ERH: variants seen among roughly 807,000 people sequenced by gnomAD.
ERH encodes ERH mRNA splicing and mitosis factor.
ERH carries 1 observed loss-of-function variant against 16.8 expected under a neutral mutation model. The observed-to-expected ratio is 0.06, with a 90% CI of 0.02 to 0.28. The LOEUF (loss-of-function observed/expected upper bound fraction) is 0.28, where lower values mean the gene tolerates loss of function less well. ERH is among the 10% of genes least tolerant of loss of function. The probability of loss-of-function intolerance (pLI) is 1.00; values close to 1 mark genes in which losing one functional copy is unlikely to be tolerated. For missense variants in ERH, 42 were observed against 127.5 expected (o/e 0.33, Z 3.23); for synonymous variants, 43 against 43.6 (o/e 0.99, Z 0.05).
chr14:69,393,493 G>C (rs1057189989), intron 2 of ERH, among the ~76,000 whole-genome samples: 4 of 152,180 alleles, frequency 2.6e-5, no homozygotes, highest in Non-Finnish European at 5.9e-5. Flanking sequence ...ATTAAAAAAA[G>C]AATAAAACCA....
rs999076344 is a variant in ERH, at chr14:69,387,149, T to G, written c.92-66A>C. ...ATACACTTCTAGATATGAGCAGTGC[T>G]TATGAGCTGTGCTATATGTTGATAT... is the stretch of plus-strand genomic sequence containing the variant. On this transcript the variant is annotated intron_variant, in intron 2 of 3. Transcript: ENST00000557016. The G allele has an allele frequency of 1.8e-5, 25 of 1,362,646 alleles. No homozygotes were observed. The Admixed American group carries it at 3.7e-4, about 20-fold the overall frequency. The allele number at this position is 1,362,646 out of a possible 1,614,324, so 84.4% of individuals were successfully genotyped here.
intron 2 of ERH, among the ~76,000 whole-genome samples, chr14:69,393,844 A>G (rs187151638): frequency 4.3e-4 from 66 of 152,194 alleles, no homozygotes; most frequent in African/African-American, 1.6e-3. Flanking sequence ...CAACACAGTG[A>G]CCCCATCTCT....
At chr14:69,394,584 G>A (rs139771543) in intron 2 of ERH, among the ~76,000 whole-genome samples, 13 of 151,520 alleles carry the variant, frequency 8.6e-5, no homozygotes, top group African/African-American at 2.2e-4. Context: ...GTGATAGAGC[G>A]AGACTCTGTC....
Position 69,383,053 on chromosome 14 carries a change from C to G in ERH, c.213-2413G>C, listed in dbSNP as rs551681247. On this transcript the variant is annotated intron_variant, in intron 3 of 3. Coordinates refer to ENST00000557016, the MANE Select transcript of ERH (RefSeq NM_004450.3). The stretch of plus-strand genomic sequence containing the variant: ...CTTACTGATCAGGAATACCTCTTGT[C>G]ATTATAATAACTGACAGTTTAAATG... Among the ~76,000 whole-genome samples, 4 of 152,246 alleles carry G rather than the reference C, an allele frequency of 2.6e-5. No homozygotes were observed. The South Asian group carries it at 8.3e-4, about 32-fold the overall frequency.
At chr14:69,397,976 T>G in intron 1 of ERH, 1 of 591,066 alleles carries the variant, frequency 1.7e-6, no homozygotes, top group Non-Finnish European at 3.0e-6. Context: ...CGGGAGAGAG[T>G]TCATCCTCAG....
intron 1 of ERH, among the ~76,000 whole-genome samples, chr14:69,397,512 A>T (rs1359365318): frequency 1.3e-5 from 2 of 151,978 alleles, no homozygotes; most frequent in East Asian, 3.8e-4. Flanking sequence ...TGCAAAGCAA[A>T]TACGTCCTCT....
intron 2 of ERH, among the ~76,000 whole-genome samples, chr14:69,394,528 G>T (rs1427601580): frequency 6.6e-6 from 1 of 152,222 alleles, no homozygotes; most frequent in East Asian, 1.9e-4. Flanking sequence ...AACCTGGGGG[G>T]CGGAGGTTGC....
At chr14:69,391,228 G>A (rs2045922253) in intron 2 of ERH, among the ~76,000 whole-genome samples, 1 of 152,160 alleles carries the variant, frequency 6.6e-6, no homozygotes, top group East Asian at 1.9e-4. Flanking sequence ...AAGCAACCAA[G>A]ATGCTCTTCA....
Position 69,380,651 on chromosome 14 carries a change from AAAGGGAAT to A in ERH, c.213-19_213-12del. 2.6e-6 allele frequency: 4 copies of A among 1,536,410 alleles called. No individual in the cohort carries two copies. The highest frequency in any genetic ancestry group is 3.6e-6 in the Non-Finnish European group (4 of 1,110,902). On this transcript the variant is annotated splice_polypyrimidine_tract_variant and intron_variant, in intron 3 of 3. Transcript: ENST00000557016. Reference sequence around the variant, plus strand: ...GTATCAGCTCGGTAACTGAGGAGAGAAAGGGAATAAGCAAAGTCACAGTGGTCAATCAC... The same window carrying A: ...GTATCAGCTCGGTAACTGAGGAGAGAAAGCAAAGTCACAGTGGTCAATCAC...
At chr14:69,387,840 A>G (rs961734861) in intron 2 of ERH, among the ~76,000 whole-genome samples, 4 of 152,086 alleles carry the variant, frequency 2.6e-5, no homozygotes, top group African/African-American at 9.7e-5. Flanking sequence ...GTCAGGAGAT[A>G]GAGACCATCC....
chr14:69,397,358 A>G (rs903213784), intron 1 of ERH, among the ~76,000 whole-genome samples: 4 of 151,998 alleles, frequency 2.6e-5, no homozygotes, highest in African/African-American at 9.7e-5. Context: ...CCTACTTTTC[A>G]GCCTCCAGCC....
chr14:69,380,328 T>TA lies in ERH; in HGVS notation c.*209dup, dbSNP rs796266225. 8,861 of 355,524 alleles carry TA rather than the reference T, an allele frequency of 0.025. 28 individuals carry two copies. The highest frequency in any genetic ancestry group is 0.048 in the African/African-American group (2,026 of 42,166). The allele number at this position is 355,524 out of a possible 1,614,324, so 22.0% of individuals were successfully genotyped here. On this transcript the variant is annotated 3_prime_UTR_variant, in exon 4 of 4. Coordinates refer to ENST00000557016, the MANE Select transcript of ERH (RefSeq NM_004450.3). ...CTAAATCATCATAAAAATGTTTAAG[T>TA]AAAAAAAAAAAAAGAAAGAGAAAGA...
intron 2 of ERH, among the ~76,000 whole-genome samples, chr14:69,389,475 G>A (rs979404621): frequency 6.6e-6 from 1 of 152,164 alleles, no homozygotes; most frequent in African/African-American, 2.4e-5. Flanking sequence ...CAGGCCTTCA[G>A]ATTGGAAAGG....
intron 1 of ERH, chr14:69,397,988 C>G: frequency 1.7e-6 from 1 of 604,094 alleles, no homozygotes; most frequent in Non-Finnish European, 2.9e-6. Flanking sequence ...CATCCTCAGG[C>G]CCAAGGCACG....
chr14:69,389,375 G>A (rs1373210484), intron 2 of ERH, among the ~76,000 whole-genome samples: 1 of 152,070 alleles, frequency 6.6e-6, no homozygotes. Context: ...GTTAAGATTA[G>A]GAAGAATACC....
intron 2 of ERH, among the ~76,000 whole-genome samples, chr14:69,391,841 G>C (rs996847030): frequency 3.3e-5 from 5 of 151,850 alleles, no homozygotes; most frequent in African/African-American, 1.2e-4. Flanking sequence ...GGGGATTTCT[G>C]GTAGTGAAAC....
intron 2 of ERH, 76 bp downstream of exon 2, chr14:69,394,745 TAAAA>T: frequency 1.2e-6 from 1 of 812,980 alleles, no homozygotes; most frequent in Non-Finnish European, 1.9e-6. Flanking sequence ...GATGGACTAT[TAAAA>T]AAAAAAAATT....
At chr14:69,397,845 G>C (rs1379720382) in intron 1 of ERH, among the ~76,000 whole-genome samples, 2 of 152,128 alleles carry the variant, frequency 1.3e-5, no homozygotes, top group Non-Finnish European at 2.9e-5. Flanking sequence ...TTCAACCCAG[G>C]AGGCAGAGGT....
At position 69,391,465 on chromosome 14, in the gene ERH, G is replaced by C. The variant is rs147437423; in HGVS notation, c.91+3360C>G. On this transcript the variant is annotated intron_variant, in intron 2 of 3. Transcript: ENST00000557016. ...GTTTGAGACCAGCCTGGCCTACACA[G>C]TAAAACCCGTCTCTACTAAAAATAC... Among the ~76,000 whole-genome samples the C allele has an allele frequency of 3.1e-3, 477 of 151,748 alleles. 4 individuals carry two copies. Among genetic ancestry groups the C allele is most frequent in the African/African-American group, 0.011 (463 of 41,386 alleles).
Sources: gnomAD v4.1 joint callset for allele counts (sites outside exome capture counted in the v4.1 genomes callset) on GRCh38, gnomAD v4.1.1 for gene constraint, MANE v1.5 for transcripts, NCBI Gene and HGNC (gene_info 2026-07-23, HGNC 2026-07-21) for gene names.